The following USP45 variants were observed in gnomAD, a reference collection of about 807,000 sequenced individuals.
USP45 encodes ubiquitin carboxyl-terminal hydrolase 45.
In USP45, 89 loss-of-function variants were observed where a neutral mutation model predicts 95.8. The ratio of observed to expected loss-of-function variants is 0.93; its 90% CI spans 0.78 to 1.11. The LOEUF (loss-of-function observed/expected upper bound fraction) is 1.11, where lower values mean the gene tolerates loss of function less well. USP45 is among the 50% of genes least tolerant of loss of function. The pLI, the probability that USP45 is intolerant of heterozygous loss-of-function variation, is 0.00. For missense variants in USP45, 898 were observed against 942.5 expected (o/e 0.95, Z 0.62); for synonymous variants, 281 against 316.2 (o/e 0.89, Z 1.18).
At position 99,437,338 on chromosome 6, in the gene USP45, G is replaced by A. The variant is rs780058892; in HGVS notation, c.2222C>T (p.Ser741Leu). The change falls in exon 17 of 18, where the codon TCG becomes TTG. Residue 741 changes from serine (S) to leucine (L), a missense_variant. Physicochemically the swap from Ser to Leu is moderately radical, Grantham distance 145. Transcript: ENST00000500704. ...AGCAGTGTAGTGGCCTTCTCTCATC[G>A]AGCCACTATGTTCCACTATGCCATA... ...GLYGIVEHSG[S>L]MREGHYTAYV... 1.5e-5 allele frequency: 25 copies of A among 1,613,414 alleles called. No homozygotes were observed. The South Asian group carries it at 2.0e-4, about 13-fold the overall frequency.
intron 6 of USP45, 58 bp from the exon 7 acceptor site, chr6:99,488,353 T>C (rs1173051062): frequency 1.8e-6 from 2 of 1,099,166 alleles, no homozygotes; most frequent in Admixed American, 2.5e-5. Context: ...TCTGATTTTA[T>C]GGAATACACT....
At chr6:99,478,252 G>A (rs1199334044) in intron 8 of USP45, among the ~76,000 whole-genome samples, 3 of 122,856 alleles carry the variant, frequency 2.4e-5, no homozygotes, top group Admixed American at 8.9e-5. Flanking sequence ...TTTAACCTAG[G>A]AATGGGCAAA....
At chr6:99,449,443 G>T (rs562209494) in intron 13 of USP45, among the ~76,000 whole-genome samples, 3 of 152,200 alleles carry the variant, frequency 2.0e-5, no homozygotes, top group Non-Finnish European at 4.4e-5. Context: ...AATGGTAAAG[G>T]GATCAATTCA....
intron 7 of USP45, among the ~76,000 whole-genome samples, chr6:99,485,745 C>T (rs55922879): frequency 0.092 from 14,022 of 152,096 alleles, 744 homozygotes; most frequent in Admixed American, 0.15. Flanking sequence ...TGTTGATATG[C>T]GCATAAATAT....
intron 7 of USP45, among the ~76,000 whole-genome samples, chr6:99,487,442 T>A (rs894866523): frequency 1.3e-5 from 2 of 152,064 alleles, no homozygotes; most frequent in African/African-American, 4.8e-5. Flanking sequence ...GGCTGCTCTT[T>A]TTTTCATCTT....
At chr6:99,454,131 C>G (rs1784499454) in intron 13 of USP45, among the ~76,000 whole-genome samples, 1 of 152,096 alleles carries the variant, frequency 6.6e-6, no homozygotes, top group Non-Finnish European at 1.5e-5. Context: ...GACACATAGA[C>G]CAGTGCAACA....
intron 16 of USP45, among the ~76,000 whole-genome samples, chr6:99,438,589 G>A (rs1300468890): frequency 2.6e-5 from 4 of 152,048 alleles, no homozygotes; most frequent in Non-Finnish European, 5.9e-5. Flanking sequence ...GTCCTTATCT[G>A]GATAATAATT....
At chr6:99,460,282 T>G (rs1786105902) in intron 13 of USP45, among the ~76,000 whole-genome samples, 1 of 152,200 alleles carries the variant, frequency 6.6e-6, no homozygotes, top group African/African-American at 2.4e-5. Flanking sequence ...GGAGCTTCTC[T>G]TTTTGTTACA....
chr6:99,508,095 C>CCATTA (rs1798940828), intron 3 of USP45, among the ~76,000 whole-genome samples: 1 of 152,016 alleles, frequency 6.6e-6, no homozygotes, highest in South Asian at 2.1e-4. Context: ...AATGTTCTTT[C>CCATTA]CATTAAATTA....
At chr6:99,509,547 T>C (rs1236937139) in intron 2 of USP45, among the ~76,000 whole-genome samples, 1 of 148,540 alleles carries the variant, frequency 6.7e-6, no homozygotes, top group Non-Finnish European at 1.5e-5. Flanking sequence ...AGCATGAGGC[T>C]AAAGAGAAAA....
intron 7 of USP45, among the ~76,000 whole-genome samples, chr6:99,486,989 A>G (rs1280706970): frequency 6.6e-6 from 1 of 152,188 alleles, no homozygotes; most frequent in Non-Finnish European, 1.5e-5. Flanking sequence ...ATCACGCAGC[A>G]TGGGGAACCA....
intron 13 of USP45, among the ~76,000 whole-genome samples, chr6:99,456,487 C>T (rs1438344854): frequency 4.6e-5 from 7 of 152,266 alleles, no homozygotes; most frequent in Admixed American, 6.5e-5. Flanking sequence ...GGCAGAAGAA[C>T]GTGGATTGTG....
chr6:99,507,652 GA>G, intron 3 of USP45, 121 bp from the exon 4 acceptor site: 2 of 644,246 alleles, frequency 3.1e-6, no homozygotes, highest in South Asian at 4.4e-5. Context: ...GGCCAGAGGA[GA>G]AAGTTTCAAA....
intron 14 of USP45, 114 bp downstream of exon 14, chr6:99,445,682 CT>C (rs745683186): frequency 9.0e-5 from 70 of 776,394 alleles, no homozygotes; most frequent in Admixed American, 2.9e-4. Context: ...GAAACAATCT[CT>C]GCCTAAGTAA....
At chr6:99,502,615 T>A (rs1797629568) in intron 5 of USP45, among the ~76,000 whole-genome samples, 1 of 152,206 alleles carries the variant, frequency 6.6e-6, no homozygotes, top group Non-Finnish European at 1.5e-5. Context: ...TACATATGTG[T>A]CAAGTACTGA....
At chr6:99,462,291 T>C (rs1318180641) in intron 13 of USP45, 3 of 985,046 alleles carry the variant, frequency 3.0e-6, no homozygotes. Context: ...GAGGTACAGT[T>C]TCTATATATC....
chr6:99,513,782 G>T (rs60534676), intron 1 of USP45, among the ~76,000 whole-genome samples: 4 of 152,092 alleles, frequency 2.6e-5, no homozygotes, highest in Non-Finnish European at 5.9e-5. Flanking sequence ...CCCAGAATTC[G>T]GCAATTATTT....
intron 13 of USP45, among the ~76,000 whole-genome samples, chr6:99,454,381 C>T (rs1784541182): frequency 6.6e-6 from 1 of 151,976 alleles, no homozygotes; most frequent in South Asian, 2.1e-4. Flanking sequence ...AGGAGAAACA[C>T]TCAGGACATT....
Position 99,510,121 on chromosome 6 carries a change from C to T in USP45, c.100G>A (p.Val34Ile). Residue 34 changes from valine to isoleucine, a missense_variant and splice_region_variant, in exon 2 of 18, where the codon GTA (valine) becomes ATA (isoleucine). By Grantham distance (29) the Val-to-Ile change is conservative. Coordinates refer to ENST00000500704, the MANE Select transcript of USP45 (RefSeq NM_001346022.3). ...HDEDSSDDIA[V>I]GLTCQHVSHA... is the part of the protein sequence containing the mutation. ...TGGGATGCCATATATCACAATTTAC[C>T]AGCAATATCATCTGAAGAGTCTTCA... is the stretch of plus-strand genomic sequence containing the variant. The T allele has an allele frequency of 6.2e-7, 1 of 1,605,682 alleles. No individual in the cohort carries two copies. Among genetic ancestry groups the T allele is most frequent in the Non-Finnish European group, 8.5e-7 (1 of 1,173,166 alleles).
Sources: allele counts gnomAD v4.1 joint callset (sites outside exome capture counted in the v4.1 genomes callset), GRCh38; gene constraint gnomAD v4.1.1; transcripts MANE v1.5; gene names NCBI Gene and HGNC (gene_info 2026-07-23, HGNC 2026-07-21).